Variants in IL1RAPL2 observed in about 807,000 individuals in gnomAD.
The protein encoded by IL1RAPL2 is X-linked interleukin-1 receptor accessory protein-like 2.
Under a neutral mutation model 44.1 loss-of-function variants are expected in IL1RAPL2, and 3 were observed. The observed-to-expected ratio is 0.07, with a 90% CI of 0.03 to 0.18. IL1RAPL2 has a LOEUF of 0.18. Ranked by LOEUF, IL1RAPL2 falls within the 10% of genes least tolerant of loss-of-function variation. The pLI is 1.00. For synonymous variants in IL1RAPL2, 181 were observed against 178.8 expected (o/e 1.01, Z -0.10); for missense variants, 391 against 496.4 (o/e 0.79, Z 2.02).
At chrX:105,439,266 A>G (rs994573747) in intron 5 of IL1RAPL2, among the ~76,000 whole-genome samples, 5 of 111,169 alleles carry the variant, frequency 4.5e-5, no homozygotes, top group African/African-American at 1.6e-4. Flanking sequence ...TCTGACTGTG[A>G]TCTTGGCTTG....
At chrX:105,620,285 C>G (rs1187452839) in intron 6 of IL1RAPL2, among the ~76,000 whole-genome samples, 3 of 110,959 alleles carry the variant, frequency 2.7e-5, no homozygotes, top group Non-Finnish European at 5.7e-5. Flanking sequence ...TACTATTATC[C>G]TGATGTCACA....
At position 105,526,632 on chromosome X, in the gene IL1RAPL2, T is replaced by C. The variant is rs146236759; in HGVS notation, c.772+42245T>C. On this transcript the variant is annotated intron_variant, in intron 6 of 10. Coordinates refer to ENST00000372582, the MANE Select transcript of IL1RAPL2 (RefSeq NM_017416.2). ...TGACAGGACTGCTGTCACTGTTTGC[T>C]ATTATGGGCTTCATTAATGCTGCCA... Among the ~76,000 whole-genome samples, 3 of 111,827 alleles carry C rather than the reference T, an allele frequency of 2.7e-5. No homozygotes were observed. In the East Asian group the frequency reaches 8.5e-4, roughly 32 times the overall value.
At chrX:105,221,466 A>G (rs1295163010) in intron 3 of IL1RAPL2, among the ~76,000 whole-genome samples, 10 of 111,332 alleles carry the variant, frequency 9.0e-5, no homozygotes, top group Non-Finnish European at 1.7e-4. Context: ...CAGAACCAGA[A>G]GAGTTTCAGA....
intron 2 of IL1RAPL2, among the ~76,000 whole-genome samples, chrX:104,898,980 G>A (rs1047779626): frequency 2.7e-4 from 30 of 111,959 alleles, no homozygotes; most frequent in African/African-American, 9.4e-4. Context: ...CCTCCAGTGG[G>A]AGTATAGGTA....
Position 105,198,838 on chromosome X carries a change from G to T in IL1RAPL2, c.356+3090G>T, listed in dbSNP as rs181088554. Among the ~76,000 whole-genome samples the T allele has an allele frequency of 5.4e-5, 6 of 111,648 alleles. No homozygotes were observed. The East Asian group carries it at 1.1e-3, about 21-fold the overall frequency. ...ATATTTTTCTCATGGTTAGACTGGG[G>T]TAATATGTTTTGAGGAGGAAGATTA... On this transcript the variant is annotated intron_variant, in intron 3 of 10. Coordinates refer to ENST00000372582, the MANE Select transcript of IL1RAPL2 (RefSeq NM_017416.2).
At chrX:105,181,632 C>A (rs919856909) in intron 2 of IL1RAPL2, among the ~76,000 whole-genome samples, 6 of 111,752 alleles carry the variant, frequency 5.4e-5, no homozygotes, top group African/African-American at 2.0e-4. Flanking sequence ...CAAAGTTCCT[C>A]TTGTTTATTT....
chrX:105,464,345 T>G (rs2147767938), intron 5 of IL1RAPL2, among the ~76,000 whole-genome samples: 1 of 111,763 alleles, frequency 8.9e-6, no homozygotes, highest in Admixed American at 9.5e-5. Context: ...ATAGTTTCCA[T>G]AAGGTCATAT....
At chrX:104,703,946 G>A (rs1365134654) in intron 2 of IL1RAPL2, among the ~76,000 whole-genome samples, 1 of 111,716 alleles carries the variant, frequency 9.0e-6, no homozygotes, top group Non-Finnish European at 1.9e-5. Context: ...AGTGACTTCA[G>A]GTTTCTGAAC....
chrX:105,451,593 G>A (rs2036019951), intron 5 of IL1RAPL2, among the ~76,000 whole-genome samples: 2 of 111,572 alleles, frequency 1.8e-5, no homozygotes, highest in Non-Finnish European at 3.8e-5. Flanking sequence ...CTTGGCTTTA[G>A]GCATGCCTCA....
At chrX:104,771,989 A>G (rs962296303) in intron 2 of IL1RAPL2, among the ~76,000 whole-genome samples, 1 of 111,983 alleles carries the variant, frequency 8.9e-6, no homozygotes, top group Non-Finnish European at 1.9e-5. Flanking sequence ...CAGGGTACAT[A>G]TATCCCCATT....
At chrX:105,556,706 G>A (rs762416573) in intron 6 of IL1RAPL2, among the ~76,000 whole-genome samples, 1 of 111,828 alleles carries the variant, frequency 8.9e-6, no homozygotes, top group Non-Finnish European at 1.9e-5. Context: ...ACACATATGT[G>A]ACTGGCTTAG....
intron 2 of IL1RAPL2, among the ~76,000 whole-genome samples, chrX:105,072,510 A>G (rs2032220978): frequency 9.0e-6 from 1 of 111,473 alleles, no homozygotes; most frequent in African/African-American, 3.3e-5. Context: ...GCAACTTTCT[A>G]GAGATTTGCT....
intron 2 of IL1RAPL2, among the ~76,000 whole-genome samples, chrX:104,915,409 G>T (rs1219866552): frequency 1.8e-5 from 2 of 110,542 alleles, no homozygotes; most frequent in Admixed American, 9.6e-5. Flanking sequence ...TTTTTGATGG[G>T]GTTGTTTGTT....
chrX:105,242,231 C>T (rs183035562), intron 4 of IL1RAPL2, among the ~76,000 whole-genome samples: 15 of 112,011 alleles, frequency 1.3e-4, no homozygotes, highest in Non-Finnish European at 2.1e-4. Flanking sequence ...ACCTAATATC[C>T]GACCTGCCTA....
chrX:105,608,204 G>A lies in IL1RAPL2; in HGVS notation c.773-109163G>A, dbSNP rs370884659. 1.4e-4 allele frequency among the ~76,000 whole-genome samples: 15 copies of A among 111,034 alleles called. No homozygotes were observed. The South Asian group carries it at 1.5e-3, about 11-fold the overall frequency. On this transcript the variant is annotated intron_variant, in intron 6 of 10. Coordinates refer to ENST00000372582, the MANE Select transcript of IL1RAPL2 (RefSeq NM_017416.2). ...GAATCAGGTGAGTTAAAATAAATCC[G>A]ATATTCATTAGGTGCAGATATCTTC... is the stretch of plus-strand genomic sequence containing the variant.
At chrX:104,644,180 G>GA (rs777443937) in intron 1 of IL1RAPL2, among the ~76,000 whole-genome samples, 4 of 111,249 alleles carry the variant, frequency 3.6e-5, no homozygotes, top group Non-Finnish European at 7.6e-5. Flanking sequence ...TAAAGTCATA[G>GA]AAAAAATGCA....
chrX:105,051,259 G>GT (rs2031919369), intron 2 of IL1RAPL2, among the ~76,000 whole-genome samples: 1 of 60 alleles, frequency 0.017, no homozygotes, highest in East Asian at 0.5. Context: ...AGGCCAGGCA[G>GT]CGGAGCAGAC....
intron 3 of IL1RAPL2, chrX:105,219,490 A>G (rs1556174826): frequency 8.3e-7 from 1 of 1,209,777 alleles, no homozygotes; most frequent in Admixed American, 2.2e-5. Flanking sequence ...TGTGGTCTCC[A>G]TGGAGGCAGC....
At chrX:104,969,915 T>TTTTTTTTC (rs780282929) in intron 2 of IL1RAPL2, among the ~76,000 whole-genome samples, 13 of 111,853 alleles carry the variant, frequency 1.2e-4, no homozygotes, top group Non-Finnish European at 2.3e-4. Flanking sequence ...TACACTAGTT[T>TTTTTTTTC]TTTTTTTCTT....
Sources: gnomAD v4.1 joint callset for allele counts (sites outside exome capture counted in the v4.1 genomes callset) on GRCh38, gnomAD v4.1.1 for gene constraint, MANE v1.5 for transcripts, NCBI Gene and HGNC (gene_info 2026-07-23, HGNC 2026-07-21) for gene names.